SAMTOR: variants seen among roughly 807,000 people sequenced by gnomAD.
SAMTOR encodes S-adenosylmethionine sensor upstream of mTORC1.
chr7:112,939,641 G>T, the SAMTOR span: 5 of 1,613,876 alleles, frequency 3.1e-6, no homozygotes, highest in Non-Finnish European at 4.2e-6. Flanking sequence ...CACCACACCG[G>T]AGAGCTTCTC....
the SAMTOR span, among the ~76,000 whole-genome samples, chr7:112,903,549 G>A: frequency 6.6e-6 from 1 of 152,070 alleles, no homozygotes; most frequent in Non-Finnish European, 1.5e-5. Context: ...AATTTCTGGA[G>A]TGTGATAGTT....
At chr7:112,822,102 G>C in the SAMTOR span, 3 of 1,613,650 alleles carry the variant, frequency 1.9e-6, no homozygotes, top group Admixed American at 3.3e-5. Context: ...CATCATCATA[G>C]CATGACGGTT....
the SAMTOR span, among the ~76,000 whole-genome samples, chr7:112,891,047 G>GT: frequency 6.6e-6 from 1 of 152,168 alleles, no homozygotes; most frequent in South Asian, 2.1e-4. Context: ...GGAAAATGCA[G>GT]TAACAATGAC....
At chr7:112,877,119 A>AC in the SAMTOR span, among the ~76,000 whole-genome samples, 1 of 152,118 alleles carries the variant, frequency 6.6e-6, no homozygotes, top group Non-Finnish European at 1.5e-5. Context: ...TATCTTTGTA[A>AC]CCCTTTATGA....
chr7:112,850,397 G>A, the SAMTOR span, among the ~76,000 whole-genome samples: 3 of 152,064 alleles, frequency 2.0e-5, no homozygotes, highest in South Asian at 6.2e-4. Context: ...TTTGGAATTC[G>A]GGTGATATTG....
chr7:112,883,694 T>C, the SAMTOR span, among the ~76,000 whole-genome samples: 2 of 152,360 alleles, frequency 1.3e-5, no homozygotes, highest in South Asian at 2.1e-4. Flanking sequence ...AAATTACCTA[T>C]ATTTATCATA....
chr7:112,840,482 C>T, the SAMTOR span, among the ~76,000 whole-genome samples: 10,725 of 151,730 alleles, frequency 0.071, 438 homozygotes, highest in South Asian at 0.14. Context: ...CCATTCTCGC[C>T]TCTCCTTCTG....
At chr7:112,924,208 GAAA>G in the SAMTOR span, among the ~76,000 whole-genome samples, 1 of 150,636 alleles carries the variant, frequency 6.6e-6, no homozygotes. Context: ...ATAAAAAAAA[GAAA>G]AAAAACTATA....
chr7:112,865,703 A>ATTCATATATAT, the SAMTOR span, among the ~76,000 whole-genome samples: 1 of 129,268 alleles, frequency 7.7e-6, no homozygotes, highest in African/African-American at 3.9e-5. Context: ...ATATACATAT[A>ATTCATATATAT]TTCATATATA....
chr7:112,903,478 T>G, the SAMTOR span, among the ~76,000 whole-genome samples: 1 of 152,044 alleles, frequency 6.6e-6, no homozygotes, highest in Non-Finnish European at 1.5e-5. Context: ...AGGACACTAT[T>G]GTGAAAATTG....
At chr7:112,860,465 A>G in the SAMTOR span, among the ~76,000 whole-genome samples, 1 of 152,148 alleles carries the variant, frequency 6.6e-6, no homozygotes, top group Non-Finnish European at 1.5e-5. Context: ...CCCTTATTGC[A>G]TCCTGCGACT....
At chr7:112,883,333 T>C in the SAMTOR span, among the ~76,000 whole-genome samples, 1 of 152,224 alleles carries the variant, frequency 6.6e-6, no homozygotes, top group East Asian at 1.9e-4. Flanking sequence ...CTTCCATTCT[T>C]TCACCTGAGA....
the SAMTOR span, among the ~76,000 whole-genome samples, chr7:112,906,485 T>C: frequency 0.011 from 1,615 of 151,518 alleles, 30 homozygotes; most frequent in African/African-American, 0.037. Context: ...ATGTGCATAA[T>C]CACTATACAG....
chr7:112,857,132 C>T, the SAMTOR span, among the ~76,000 whole-genome samples: 27 of 145,652 alleles, frequency 1.9e-4, 2 homozygotes, highest in African/African-American at 6.5e-4. Flanking sequence ...TCGCCCAGGC[C>T]GGACTGCGGA....
the SAMTOR span, among the ~76,000 whole-genome samples, chr7:112,831,652 TA>T: frequency 6.6e-6 from 1 of 151,870 alleles, no homozygotes; most frequent in African/African-American, 2.4e-5. Context: ...AACTCCATCT[TA>T]AAAAAAAGTT....
the SAMTOR span, among the ~76,000 whole-genome samples, chr7:112,930,068 G>C: frequency 0.011 from 1,623 of 152,140 alleles, 30 homozygotes; most frequent in African/African-American, 0.037. Flanking sequence ...TAGGCATATT[G>C]CCAAATACGG....
the SAMTOR span, among the ~76,000 whole-genome samples, chr7:112,913,827 A>G: frequency 2.0e-5 from 3 of 152,056 alleles, no homozygotes; most frequent in Non-Finnish European, 4.4e-5. Flanking sequence ...CACACATCAC[A>G]ACAGTGAAAC....
At chr7:112,820,621 T>C in the SAMTOR span, 1 of 152,120 alleles carries the variant, frequency 6.6e-6, no homozygotes, top group Non-Finnish European at 1.5e-5. Context: ...CATTTGCTTC[T>C]GATTCAGAAA....
the SAMTOR span, among the ~76,000 whole-genome samples, chr7:112,916,346 G>A: frequency 1.3e-5 from 2 of 152,140 alleles, no homozygotes; most frequent in African/African-American, 4.8e-5. Context: ...AAATTTACAG[G>A]GTAGTTTCAT....
Sources: gnomAD v4.1 joint callset for allele counts (sites outside exome capture counted in the v4.1 genomes callset) on GRCh38, gnomAD v4.1.1 for gene constraint, MANE v1.5 for transcripts, NCBI Gene and HGNC (gene_info 2026-07-23, HGNC 2026-07-21) for gene names.